The following C14orf132 variants were observed in gnomAD, a reference collection of about 807,000 sequenced individuals.
C14orf132 encodes the protein uncharacterized protein C14orf132.
C14orf132 carries 6 observed loss-of-function variants against 5.8 expected under a neutral mutation model. That is an observed-to-expected ratio of 1.03 (90% CI 0.57 to 2.04). The LOEUF (loss-of-function observed/expected upper bound fraction) is 2.04. C14orf132 is among the 30% of genes most tolerant of loss of function. The pLI is 0.00. For missense variants in C14orf132, 125 were observed against 115.8 expected, an observed-to-expected ratio of 1.08 and a Z score of -0.37; for synonymous variants, 51 against 49.8, an observed-to-expected ratio of 1.02 and a Z score of -0.10.
chr14:96,039,622 G>T lies in C14orf132; in HGVS notation c.27+95G>T, dbSNP rs1886628823. ...CTCCACGCTGGGGCTGGGCAGTGGC[G>T]CCCGCCCGCGATCCGCGTCCCGGTC... is the stretch of plus-strand genomic sequence containing the variant. On this transcript the variant is annotated intron_variant, in intron 1 of 1. Coordinates refer to ENST00000555004, the MANE Select transcript of C14orf132 (RefSeq NM_001252507.3). The surrounding 1 kb of genome is among the most constrained non-coding windows in gnomAD (Gnocchi z 5.3). 4.9e-6 allele frequency: 6 copies of T among 1,230,720 alleles called. No homozygotes were observed. In the South Asian group the frequency reaches 5.4e-5, roughly 11 times the overall value. 76.2% of individuals were successfully genotyped at this position (1,230,720 alleles called of 1,614,324 possible). A position where few individuals can be genotyped will look rare whatever the true frequency, so the allele number is the denominator to read the frequency against.
Position 96,057,891 on chromosome 14 carries a change from C to T in C14orf132, c.27+18364C>T, listed in dbSNP as rs1017135608. On this transcript the variant is annotated intron_variant, in intron 1 of 1. Transcript: ENST00000555004. ...TTCCTTCACGTCTCTTGGTTCCTGT[C>T]GCGGAGGTTGGAGAAGTTAACCTTA... 3.3e-5 allele frequency among the ~76,000 whole-genome samples: 5 copies of T among 152,250 alleles called. No homozygotes were observed. The East Asian group carries it at 7.7e-4, about 24-fold the overall frequency.
At chr14:96,060,994 C>T (rs1162757336) in intron 1 of C14orf132, among the ~76,000 whole-genome samples, 2 of 152,198 alleles carry the variant, frequency 1.3e-5, no homozygotes, top group Admixed American at 1.3e-4. Context: ...CTTCCCAGAA[C>T]ATGCACCATC....
At chr14:96,063,574 G>A (rs1887427619) in intron 1 of C14orf132, among the ~76,000 whole-genome samples, 1 of 152,246 alleles carries the variant, frequency 6.6e-6, no homozygotes, top group Admixed American at 6.5e-5. Flanking sequence ...CTCCCAAAAT[G>A]CTGGGATTGC....
At chr14:96,077,258 GATTCTGGGTGTTTTGA>G in intron 1 of C14orf132, among the ~76,000 whole-genome samples, 1 of 152,304 alleles carries the variant, frequency 6.6e-6, no homozygotes, top group South Asian at 2.1e-4. Context: ...TTTTGGACTG[GATTCTGGGTGTTTTGA>G]ATATTATGTT....
At chr14:96,052,582 G>A (rs1039787901) in intron 1 of C14orf132, among the ~76,000 whole-genome samples, 6 of 152,204 alleles carry the variant, frequency 3.9e-5, no homozygotes, top group African/African-American at 9.7e-5. Flanking sequence ...ATTAATAAAG[G>A]CACAAGAAAG....
chr14:96,055,266 A>G (rs930756843), intron 1 of C14orf132, among the ~76,000 whole-genome samples: 1 of 152,188 alleles, frequency 6.6e-6, no homozygotes, highest in African/African-American at 2.4e-5. Context: ...GAGGAACCCA[A>G]GCTTAGAAAA....
intron 1 of C14orf132, among the ~76,000 whole-genome samples, chr14:96,079,623 G>A (rs957788778): frequency 6.6e-6 from 1 of 152,106 alleles, no homozygotes; most frequent in Admixed American, 6.5e-5. Context: ...AATAATGAAA[G>A]GATGGATGGA....
At chr14:96,058,372 A>G (rs946477140) in intron 1 of C14orf132, among the ~76,000 whole-genome samples, 2 of 151,508 alleles carry the variant, frequency 1.3e-5, no homozygotes, top group African/African-American at 4.9e-5. Context: ...CCTAACTCCC[A>G]CCTCAACTCA....
chr14:96,076,822 A>G (rs1887882195), intron 1 of C14orf132, among the ~76,000 whole-genome samples: 1 of 152,216 alleles, frequency 6.6e-6, no homozygotes, highest in Non-Finnish European at 1.5e-5. Context: ...TAGTTGCATC[A>G]ATGCGTGCTG....
In C14orf132 at chr14:96,082,801, G is replaced by C. The variant is rs367596328; in HGVS notation, c.28-3710G>C. Among the ~76,000 whole-genome samples, 41 of 152,332 alleles carry C rather than the reference G, an allele frequency of 2.7e-4. 1 individual carries two copies. In the South Asian group the frequency reaches 8.3e-3, roughly 31 times the overall value. ...GGGAAGGAATATTGGTAATCATTGC[G>C]TAACTGTCTTGGGCCATGCTTTCTT... On this transcript the variant is annotated intron_variant, in intron 1 of 1. Transcript: ENST00000555004.
At position 96,086,674 on chromosome 14, in the gene C14orf132, C is replaced by T; in HGVS notation, c.191C>T (p.Ala64Val). 2 of 1,536,200 alleles carry T rather than the reference C, an allele frequency of 1.3e-6. No individual in the cohort carries two copies. Among genetic ancestry groups the T allele is most frequent in the Non-Finnish European group, 1.7e-6 (2 of 1,146,932 alleles). The change falls in exon 2 of 2, where the codon GCC (alanine) becomes GTC (valine). Residue 64 changes from alanine (A) to valine (V), a missense_variant. By Grantham distance (64) the Ala-to-Val change is moderately conservative. Transcript: ENST00000555004. ...SSNDAVLLWI[A>V]IIATLGNIVV... is the part of the protein sequence containing the mutation. ...AACGACGCCGTCTTGCTATGGATTG[C>T]CATCATAGCTACGCTGGGGAACATC...
chr14:96,041,793 T>C (rs2139637757), intron 1 of C14orf132, among the ~76,000 whole-genome samples: 1 of 152,316 alleles, frequency 6.6e-6, no homozygotes, highest in Admixed American at 6.5e-5. Flanking sequence ...AGTACCTGCC[T>C]TGTGACAAGC....
intron 1 of C14orf132, among the ~76,000 whole-genome samples, chr14:96,057,638 A>G (rs761561197): frequency 5.9e-5 from 9 of 152,214 alleles, no homozygotes; most frequent in African/African-American, 1.4e-4. Flanking sequence ...CAAACAATGC[A>G]GGAGTGATGT....
At chr14:96,079,581 G>A (rs1373897953) in intron 1 of C14orf132, among the ~76,000 whole-genome samples, 1 of 152,120 alleles carries the variant, frequency 6.6e-6, no homozygotes, top group Non-Finnish European at 1.5e-5. Flanking sequence ...TGGTCTTCCT[G>A]GTGCAAGTGG....
At chr14:96,080,574 C>A (rs58403714) in intron 1 of C14orf132, among the ~76,000 whole-genome samples, 33,423 of 152,112 alleles carry the variant, frequency 0.22, 4,016 homozygotes, top group Non-Finnish European at 0.27. Context: ...CTTCTGAAAC[C>A]GTTTTCCGTT....
intron 1 of C14orf132, among the ~76,000 whole-genome samples, chr14:96,053,422 C>T (rs1887086630): frequency 6.6e-6 from 1 of 152,242 alleles, no homozygotes; most frequent in African/African-American, 2.4e-5. Flanking sequence ...CTGCTCACTT[C>T]TGTGTCCCGG....
Position 96,086,542 on chromosome 14 carries a change from C to T in C14orf132, c.59C>T (p.Ser20Leu), listed in dbSNP as rs577620231. ...LPMMGGAFMD[S>L]PNEDFSTEYS... ...ATGATGGGGGGAGCTTTCATGGACT[C>T]GCCCAACGAGGACTTCAGCACCGAG... Residue 20 changes from serine (S) to leucine (L), a missense_variant, in exon 2 of 2, where the codon TCG becomes TTG. By Grantham distance (145) the Ser-to-Leu change is moderately radical. Transcript: ENST00000555004. 20 of 1,536,146 alleles carry T rather than the reference C, an allele frequency of 1.3e-5. 1 individual carries two copies. The highest frequency in any genetic ancestry group is 5.9e-5 in the South Asian group (5 of 84,060).
intron 1 of C14orf132, among the ~76,000 whole-genome samples, chr14:96,064,603 C>T (rs974293492): frequency 6.6e-6 from 1 of 151,922 alleles, no homozygotes; most frequent in Admixed American, 6.5e-5. Context: ...TATGTTCTCA[C>T]TGGTATGTGG....
intron 1 of C14orf132, among the ~76,000 whole-genome samples, chr14:96,079,377 A>AG (rs1566834934): frequency 6.6e-6 from 1 of 152,164 alleles, no homozygotes; most frequent in Non-Finnish European, 1.5e-5. Context: ...AATGAATCCC[A>AG]ACCTGTGTTG....
Sources: allele counts gnomAD v4.1 joint callset (sites outside exome capture counted in the v4.1 genomes callset), GRCh38; gene constraint gnomAD v4.1.1; non-coding constraint Gnocchi (gnomAD v3.1); transcripts MANE v1.5; gene names NCBI Gene and HGNC (gene_info 2026-07-23, HGNC 2026-07-21).